WHAMM: variants seen among roughly 807,000 people sequenced by gnomAD.
The protein encoded by WHAMM is WASP homolog associated with actin, golgi membranes and microtubules.
WHAMM carries 67 observed loss-of-function variants against 76.5 expected under a neutral mutation model. That is an observed-to-expected ratio of 0.88 (90% CI 0.72 to 1.07). The LOEUF (loss-of-function observed/expected upper bound fraction) is 1.07. WHAMM is among the 50% of genes least tolerant of loss of function. WHAMM has a pLI of 0.00. For missense variants in WHAMM, 1,021 were observed against 1,051.1 expected (o/e 0.97, Z 0.40); for synonymous variants, 419 against 422.1 (o/e 0.99, Z 0.09).
intron 3 of WHAMM, 51 bp from the exon 4 acceptor site, chr15:82,817,869 G>A (rs1453229853): frequency 1.4e-6 from 2 of 1,396,124 alleles, no homozygotes; most frequent in South Asian, 1.7e-5. Flanking sequence ...CATGATAAAT[G>A]TTTCCCTTTT....
intron 5 of WHAMM, 68 bp from the exon 6 acceptor site, chr15:82,823,032 T>G: frequency 2.4e-6 from 3 of 1,232,748 alleles, no homozygotes; most frequent in Non-Finnish European, 3.1e-6. Context: ...TTTCTTACAT[T>G]TAAAAAAATT....
rs372320089 is a variant in WHAMM at position 82,811,861 on chromosome 15, A to G, written c.610-1242A>G. ...AGTGAGGCTTTCACTTAAAAAAAAA[A>G]CCCATAATATTATTACCTGGATAAA... On this transcript the variant is annotated intron_variant, in intron 1 of 9. Transcript: ENST00000286760. Among the ~76,000 whole-genome samples, 42 of 152,268 alleles carry G rather than the reference A, an allele frequency of 2.8e-4. No homozygotes were observed. The South Asian group carries it at 8.5e-3, about 31-fold the overall frequency.
intron 9 of WHAMM, among the ~76,000 whole-genome samples, chr15:82,832,951 A>G (rs2051055625): frequency 6.6e-6 from 1 of 152,218 alleles, no homozygotes; most frequent in Non-Finnish European, 1.5e-5. Context: ...AAAAACCGTC[A>G]TTCTAACAAA....
chr15:82,814,464 T>C (rs1957135790), intron 2 of WHAMM, among the ~76,000 whole-genome samples: 1 of 152,236 alleles, frequency 6.6e-6, no homozygotes, highest in Non-Finnish European at 1.5e-5. Flanking sequence ...TCTTCTTTTT[T>C]TTTGAGATAG....
At chr15:82,818,558 T>C (rs17841165) in intron 4 of WHAMM, among the ~76,000 whole-genome samples, 19,714 of 152,212 alleles carry the variant, frequency 0.13, 1,395 homozygotes, top group Admixed American at 0.18. Context: ...AGTATTGAAA[T>C]GGGTACTGTA....
rs71156055 is a variant in WHAMM, at chr15:82,824,162, C to CTTTTTTT, written c.1458+882_1458+888dup. ...TACTCATATTTACTATACTTTTCTC[C>CTTTTTTT]TTTTTTTTTTTTTGAAACAGAGTCT... On this transcript the variant is annotated intron_variant, in intron 6 of 9. Coordinates refer to ENST00000286760, the MANE Select transcript of WHAMM (RefSeq NM_001080435.3). Among the ~76,000 whole-genome samples, 375 of 118,022 alleles carry CTTTTTTT rather than the reference C, an allele frequency of 3.2e-3. 22 individuals are homozygous for CTTTTTTT. The highest frequency in any genetic ancestry group is 0.011 in the African/African-American group (355 of 32,214). 77.4% of individuals were successfully genotyped at this position (118,022 alleles called of 152,430 possible). A position where few individuals can be genotyped will look rare whatever the true frequency, so the allele number is the denominator to read the frequency against.
intron 2 of WHAMM, among the ~76,000 whole-genome samples, chr15:82,815,155 A>ATATATATATT (rs55807384): frequency 4.3e-5 from 2 of 46,138 alleles, no homozygotes; most frequent in African/African-American, 9.1e-5. Flanking sequence ...ATATATATAT[A>ATATATATATT]GTACAATTCA....
At chr15:82,832,430 G>A (rs1360588800) in intron 9 of WHAMM, among the ~76,000 whole-genome samples, 1 of 152,170 alleles carries the variant, frequency 6.6e-6, no homozygotes, top group Admixed American at 6.5e-5. Context: ...AGTGGCCACA[G>A]TCAGGCCTGT....
intron 5 of WHAMM, among the ~76,000 whole-genome samples, chr15:82,821,041 A>C (rs1051589106): frequency 3.0e-4 from 45 of 152,298 alleles, no homozygotes; most frequent in Non-Finnish European, 4.9e-4. Flanking sequence ...CATTTATTTA[A>C]TTATGAGTGA....
At chr15:82,820,904 A>G (rs2050812026) in intron 5 of WHAMM, among the ~76,000 whole-genome samples, 1 of 39,460 alleles carries the variant, frequency 2.5e-5, no homozygotes, top group East Asian at 6.2e-4. Flanking sequence ...CTCAAAAAAA[A>G]AAAAAAAAAA....
At chr15:82,831,155 A>C in intron 9 of WHAMM, 76 bp downstream of exon 9, 1 of 1,525,258 alleles carries the variant, frequency 6.6e-7, no homozygotes, top group East Asian at 2.3e-5. Context: ...AGAAGCCATC[A>C]TCTTCAAATG....
Position 82,824,905 on chromosome 15 carries a change from C to T in WHAMM, c.1459-1505C>T, listed in dbSNP as rs192481788. On this transcript the variant is annotated intron_variant, in intron 6 of 9. Transcript: ENST00000286760. ...GGTGCCATGGCTTATGCCTGTAATC[C>T]CAGCACTTTGGGAGGCTGAGGTGGG... 2.6e-5 allele frequency among the ~76,000 whole-genome samples: 4 copies of T among 152,088 alleles called. No homozygotes were observed. In the East Asian group the frequency reaches 7.7e-4, roughly 29 times the overall value.
rs373259257 is a variant in WHAMM at position 82,823,233 on chromosome 15, G to A, written c.1404G>A (p.Leu468=). Residue 468 remains leucine (L), a synonymous_variant, in exon 6 of 10, where the codon CTG becomes CTA. Transcript: ENST00000286760. ...AACTCAGAAGGCAGTGCCAGCAGCTGGAGTCTAAACGGGGCAGGATCTGTG... is the reference window on the plus strand; with the variant it reads ...AACTCAGAAGGCAGTGCCAGCAGCTAGAGTCTAAACGGGGCAGGATCTGTG... The part of the protein sequence containing the change: ...VKELRRQCQQ[L]ESKRGRICAK... 8.2e-6 allele frequency: 13 copies of A among 1,585,930 alleles called. No individual in the cohort carries two copies. Among genetic ancestry groups the A allele is most frequent in the Admixed American group, 1.7e-5 (1 of 58,288 alleles).
At chr15:82,828,889 T>C (rs927963990) in intron 8 of WHAMM, among the ~76,000 whole-genome samples, 3 of 152,164 alleles carry the variant, frequency 2.0e-5, no homozygotes, top group Admixed American at 2.0e-4. Context: ...TCCTTCAGTT[T>C]AATGAGCCAC....
At chr15:82,824,705 A>G (rs1255308117) in intron 6 of WHAMM, among the ~76,000 whole-genome samples, 1 of 152,090 alleles carries the variant, frequency 6.6e-6, no homozygotes, top group African/African-American at 2.4e-5. Context: ...ACCTCAAGCA[A>G]TCCACCTGCC....
rs778881520 is a variant in WHAMM, at chr15:82,810,292, C to A, written c.566C>A (p.Ala189Asp). The part of the protein sequence containing the change: ...CESPREFRER[A>D]LRARWVEADA... The stretch of plus-strand genomic sequence containing the variant: ...AGCCCGCGCGAGTTCCGGGAGCGGG[C>A]CTTGCGCGCGCGGTGGGTCGAGGCG... Residue 189 changes from alanine to aspartate, a missense_variant, in exon 1 of 10, where the codon GCC (alanine) becomes GAC (aspartate). Ala to Asp is a moderately radical substitution (Grantham distance 126, BLOSUM62 -2). Coordinates refer to ENST00000286760, the MANE Select transcript of WHAMM (RefSeq NM_001080435.3). 4.9e-5 allele frequency: 66 copies of A among 1,347,188 alleles called. No individual in the cohort carries two copies. In the Middle Eastern group the frequency reaches 8.3e-4, roughly 17 times the overall value. 83.5% of individuals were successfully genotyped at this position (1,347,188 alleles called of 1,614,324 possible). A position where few individuals can be genotyped will look rare whatever the true frequency, so the allele number is the denominator to read the frequency against.
At chr15:82,826,938 A>C in intron 8 of WHAMM, 92 bp downstream of exon 8, 1 of 1,305,466 alleles carries the variant, frequency 7.7e-7, no homozygotes, top group Non-Finnish European at 1.0e-6. Flanking sequence ...TATTAAGAAC[A>C]GGTCATTCAG....
intron 8 of WHAMM, among the ~76,000 whole-genome samples, chr15:82,830,258 T>C (rs904836064): frequency 6.6e-6 from 1 of 151,936 alleles, no homozygotes; most frequent in African/African-American, 2.4e-5. Context: ...TTTGAATAGA[T>C]TTGTCATAAT....
At chr15:82,822,805 G>T (rs970815296) in intron 5 of WHAMM, among the ~76,000 whole-genome samples, 1 of 143,902 alleles carries the variant, frequency 6.9e-6, no homozygotes, top group African/African-American at 2.6e-5. Flanking sequence ...AGCTATGTAA[G>T]TAGTATGTGT....
Sources: allele counts gnomAD v4.1 joint callset (sites outside exome capture counted in the v4.1 genomes callset), GRCh38; gene constraint gnomAD v4.1.1; transcripts MANE v1.5; gene names NCBI Gene and HGNC (gene_info 2026-07-23, HGNC 2026-07-21).